The following LCN9 variants were observed in gnomAD, a reference collection of about 807,000 sequenced individuals.
The protein encoded by LCN9 is epididymal-specific lipocalin-9.
A neutral mutation model predicts 18.5 loss-of-function variants in LCN9; 22 were observed. The ratio of observed to expected loss-of-function variants is 1.19; its 90% CI spans 0.85 to 1.70. LCN9 has a LOEUF of 1.70. Ranked by LOEUF, LCN9 falls within the 40% of genes most tolerant of loss-of-function variation. The probability of loss-of-function intolerance (pLI) is 0.00; values close to 1 mark genes in which losing one functional copy is unlikely to be tolerated. For missense variants in LCN9, 202 were observed against 201.3 expected (o/e 1.00, Z -0.02); for synonymous variants, 89 against 83.0 (o/e 1.07, Z -0.39).
At position 135,664,613 on chromosome 9, in the gene LCN9, C is replaced by A; in HGVS notation, c.234-109C>A. 9.9e-7 allele frequency: 1 copy of A among 1,013,790 alleles called. No individual in the cohort carries two copies. The highest frequency in any genetic ancestry group is 1.4e-6 in the Non-Finnish European group (1 of 700,574). 62.8% of individuals were successfully genotyped at this position (1,013,790 alleles called of 1,614,324 possible). A position where few individuals can be genotyped will look rare whatever the true frequency, so the allele number is the denominator to read the frequency against. ...AAGAACTTGGGGCTGTGGAATGAGG[C>A]CTGGGCATTGGGAGGGTGAGCCTGT... On this transcript the variant is annotated intron_variant, in intron 2 of 5. Transcript: ENST00000619315. This position sits in a 1 kb window ranked among gnomAD's most constrained non-coding sequence, Gnocchi z 4.5.
rs372244649 is a variant in LCN9, at chr9:135,665,701, T to G, written c.432T>G (p.Pro144=). The G allele has an allele frequency of 6.3e-5, 101 of 1,613,092 alleles. No homozygotes were observed. In the African/African-American group the frequency reaches 1.1e-3, roughly 18 times the overall value. Residue 144 remains proline (P), a synonymous_variant, in exon 5 of 6, where the codon CCT becomes CCG. Transcript: ENST00000619315. The surrounding 1 kb of genome is among the most constrained non-coding windows in gnomAD (Gnocchi z 5.9). ...CTTCCTGAGCAGATTTGAAGAAACC[T>G]GCGAAAAGTACGGACTTGGCTCACA...
At chr9:135,666,089 C>G (rs751250967) in exon 6 of LCN9, 3 of 1,599,338 alleles carry the variant, frequency 1.9e-6, no homozygotes, top group Non-Finnish European at 2.5e-6. Context: ...GTGATGGGGC[C>G]TTCCAGGGTG....
At chr9:135,666,810 C>T (rs867619815) in exon 6 of LCN9, among the ~76,000 whole-genome samples, 2 of 150,948 alleles carry the variant, frequency 1.3e-5, no homozygotes, top group African/African-American at 2.4e-5. Context: ...CCTTCCCCTC[C>T]CTGTCCCTCC....
intron 1 of LCN9, 38 bp downstream of exon 1, chr9:135,663,455 C>A (rs1588214838): frequency 6.4e-7 from 1 of 1,573,308 alleles, no homozygotes; most frequent in African/African-American, 1.3e-5. Context: ...AGGGGCCAGG[C>A]TTCAAGGCAC....
rs1819545526 is a variant in LCN9 at position 135,664,015 on chromosome 9, G to A, written c.97-147G>A. ...GTAAAGGGGGGATCTGGTGACGAGG[G>A]GAGACCTGGGGGCACTGGAAGGGCG... On this transcript the variant is annotated intron_variant, in intron 1 of 5. Transcript: ENST00000619315. This position sits in a 1 kb window ranked among gnomAD's most constrained non-coding sequence, Gnocchi z 4.5. The A allele has an allele frequency of 2.6e-6, 2 of 780,458 alleles. No individual in the cohort carries two copies. The highest frequency in any genetic ancestry group is 4.0e-6 in the Non-Finnish European group (2 of 500,206). The allele number at this position is 780,458 out of a possible 1,614,324, so 48.3% of individuals were successfully genotyped here.
chr9:135,664,870 T>C lies in LCN9; in HGVS notation c.307+75T>C. On this transcript the variant is annotated intron_variant, in intron 3 of 5. Transcript: ENST00000619315. The surrounding 1 kb of genome is among the most constrained non-coding windows in gnomAD (Gnocchi z 4.5). ...CTCCAGGGCCTGGGCCATATTCTGG[T>C]GAGCACTGACTCTGGGGATTTTAGT... 2.1e-6 allele frequency: 3 copies of C among 1,434,060 alleles called. No homozygotes were observed. The highest frequency in any genetic ancestry group is 5.0e-5 in the East Asian group (2 of 40,350). The allele number at this position is 1,434,060 out of a possible 1,614,324, so 88.8% of individuals were successfully genotyped here. A position where few individuals can be genotyped will look rare whatever the true frequency, so the allele number is the denominator to read the frequency against.
chr9:135,665,109 G>A lies in LCN9; in HGVS notation c.308-136G>A, dbSNP rs571398717. On this transcript the variant is annotated intron_variant, in intron 3 of 5. Transcript: ENST00000619315. This position sits in a 1 kb window ranked among gnomAD's most constrained non-coding sequence, Gnocchi z 5.9. ...CCCCCTGTGCAGGGGTCTCCGCTGG[G>A]TGAGCACCGTGGGCTCCTCCCCTCC... The A allele has an allele frequency of 1.5e-6, 1 of 686,604 alleles. No individual in the cohort carries two copies. The highest frequency in any genetic ancestry group is 1.8e-5 in the African/African-American group (1 of 57,072). 42.5% of individuals were successfully genotyped at this position (686,604 alleles called of 1,614,324 possible).
Position 135,664,441 on chromosome 9 carries a change from G to A in LCN9, c.233+143G>A. ...GCCTGAGCCTGTGCGTGTGACCCTTGGGGGCAGGGTGAGGTGGGAGCAGGG... is the reference window on the plus strand; with the variant it reads ...GCCTGAGCCTGTGCGTGTGACCCTTAGGGGCAGGGTGAGGTGGGAGCAGGG... On this transcript the variant is annotated intron_variant, in intron 2 of 5. Coordinates refer to ENST00000619315, the Ensembl canonical transcript of LCN9. The surrounding 1 kb of genome is among the most constrained non-coding windows in gnomAD (Gnocchi z 4.5). 8.8e-7 allele frequency: 1 copy of A among 1,131,070 alleles called. No individual in the cohort carries two copies. Among genetic ancestry groups the A allele is most frequent in the African/African-American group, 1.5e-5 (1 of 65,368 alleles). 70.1% of individuals were successfully genotyped at this position (1,131,070 alleles called of 1,614,324 possible).
At position 135,665,305 on chromosome 9, in the gene LCN9, ACCT is replaced by A; in HGVS notation, c.371_373del (p.Leu124del). 1 of 1,605,388 alleles carries A rather than the reference ACCT, an allele frequency of 6.2e-7. No individual in the cohort carries two copies. Among genetic ancestry groups the A allele is most frequent in the South Asian group, 1.1e-5 (1 of 89,090 alleles). On this transcript the variant is annotated inframe_deletion, in exon 4 of 6. Transcript: ENST00000619315. This position sits in a 1 kb window ranked among gnomAD's most constrained non-coding sequence, Gnocchi z 5.9. ...GACTACAGGCTGTTCATCACCTTCC[ACCT>A]CCAGAACTTCAGGAACGGGACCGAG...
Position 135,666,022 on chromosome 9 carries a change from C to T in LCN9, c.*171C>T, listed in dbSNP as rs1834217030. ...CCCATCCCTCCCCCTGGTCTGGGAA[C>T]CGAACACAAGGTGCTTTGGTGAAAG... On this transcript the variant is annotated 3_prime_UTR_variant, in exon 6 of 6. Transcript: ENST00000619315. 3.1e-6 allele frequency: 5 copies of T among 1,599,910 alleles called. No individual in the cohort carries two copies. The South Asian group carries it at 5.5e-5, about 18-fold the overall frequency.
In LCN9 at chr9:135,663,953, C is replaced by T. The variant is rs573634797; in HGVS notation, c.97-209C>T. On this transcript the variant is annotated intron_variant, in intron 1 of 5. Transcript: ENST00000619315. ...GGGGGCAGCGGGGGCCCTGGAAGGG[C>T]GGAGGGCATTCTGTGAGCAGAGGGG... is the stretch of plus-strand genomic sequence containing the variant. Among the ~76,000 whole-genome samples the T allele has an allele frequency of 1.0e-3, 105 of 100,956 alleles. 2 individuals are homozygous for T. The Admixed American group carries it at 0.012, about 12-fold the overall frequency. The allele number at this position is 100,956 out of a possible 152,430, so 66.2% of individuals were successfully genotyped here.
chr9:135,664,188 CAT>C lies in LCN9; in HGVS notation c.124_125del (p.Met42GlyfsTer4). 1 of 1,593,100 alleles carries C rather than the reference CAT, an allele frequency of 6.3e-7. No homozygotes were observed. The highest frequency in any genetic ancestry group is 8.6e-7 in the Non-Finnish European group (1 of 1,165,672). ...TTTCAGGGGTCTGGTATTCTATTTTCATGGCCTCAGATGACCTGAATCGGATT... is the reference window on the plus strand; with the variant it reads ...TTTCAGGGGTCTGGTATTCTATTTTCGGCCTCAGATGACCTGAATCGGATT... On this transcript the variant is annotated frameshift_variant, in exon 2 of 6. Transcript: ENST00000619315. LOFTEE classifies it high-confidence loss of function. The surrounding 1 kb of genome is among the most constrained non-coding windows in gnomAD (Gnocchi z 4.5).
At chr9:135,666,480 A>G (rs1450199091) in exon 6 of LCN9, 3 of 228,988 alleles carry the variant, frequency 1.3e-5, no homozygotes, top group Non-Finnish European at 2.6e-5. Context: ...TGCCCTTCAC[A>G]GGCTCCAGGC....
rs1031518745 is a variant in LCN9 at position 135,665,157 on chromosome 9, C to T, written c.308-88C>T. 5.4e-6 allele frequency: 5 copies of T among 925,674 alleles called. No homozygotes were observed. The highest frequency in any genetic ancestry group is 1.7e-6 in the Non-Finnish European group (1 of 584,972). The allele number at this position is 925,674 out of a possible 1,614,324, so 57.3% of individuals were successfully genotyped here. A position where few individuals can be genotyped will look rare whatever the true frequency, so the allele number is the denominator to read the frequency against. ...TCCCGCCTCAAAAGGCCACTTGACC[C>T]CCCATCCTCACTTGCGGCCACACAG... is the stretch of plus-strand genomic sequence containing the variant. On this transcript the variant is annotated intron_variant, in intron 3 of 5. Coordinates refer to ENST00000619315, the Ensembl canonical transcript of LCN9. This position sits in a 1 kb window ranked among gnomAD's most constrained non-coding sequence, Gnocchi z 5.9.
At chr9:135,663,805 A>C (rs113286208) in intron 1 of LCN9, among the ~76,000 whole-genome samples, 4,419 of 33,500 alleles carry the variant, frequency 0.13, 130 homozygotes, top group East Asian at 0.18. Context: ...ACAGAGGGGG[A>C]CCTGGAGGGG....
Position 135,665,211 on chromosome 9 carries a change from G to C in LCN9, c.308-34G>C. 1 of 1,420,324 alleles carries C rather than the reference G, an allele frequency of 7.0e-7. No homozygotes were observed. Among genetic ancestry groups the C allele is most frequent in the Non-Finnish European group, 9.8e-7 (1 of 1,025,194 alleles). The allele number at this position is 1,420,324 out of a possible 1,614,324, so 88.0% of individuals were successfully genotyped here. ...GTGTCACAGGACCCTGAGGGTGGCG[G>C]GGCCAGGCCACGCTGAGCCATGTCT... On this transcript the variant is annotated intron_variant, in intron 3 of 5. Transcript: ENST00000619315. This position sits in a 1 kb window ranked among gnomAD's most constrained non-coding sequence, Gnocchi z 5.9.
rs560303340 is a variant in LCN9, at chr9:135,663,365, C to T, written c.44C>T (p.Ala15Val). Residue 15 changes from alanine (A) to valine (V), a missense_variant, in exon 1 of 6, where the codon GCC (alanine) becomes GTC (valine). Coordinates refer to ENST00000619315, the Ensembl canonical transcript of LCN9. Reference sequence around the variant, plus strand: ...AGCCTGGGGCTGAGCCTCATCGCAGCCCAGGAGTTCGATCCCCACACCGTT... The same window carrying T: ...AGCCTGGGGCTGAGCCTCATCGCAGTCCAGGAGTTCGATCCCCACACCGTT... The T allele has an allele frequency of 4.3e-6, 7 of 1,613,938 alleles. No homozygotes were observed. The East Asian group carries it at 1.3e-4, about 31-fold the overall frequency.
Position 135,664,800 on chromosome 9 carries a change from G to C in LCN9, c.307+5G>C, listed in dbSNP as rs779962642. 25 of 1,576,888 alleles carry C rather than the reference G, an allele frequency of 1.6e-5. 1 individual carries two copies. In the South Asian group the frequency reaches 2.8e-4, roughly 18 times the overall value. Reference sequence around the variant, plus strand: ...ATGGGGAATACTCCATCAACTGTAAGTGGAAGCCAGGCTCCTCCTGGTCTC... The same window carrying C: ...ATGGGGAATACTCCATCAACTGTAACTGGAAGCCAGGCTCCTCCTGGTCTC... On this transcript the variant is annotated splice_donor_5th_base_variant and intron_variant, in intron 3 of 5. Transcript: ENST00000619315. The surrounding 1 kb of genome is among the most constrained non-coding windows in gnomAD (Gnocchi z 4.5).
At chr9:135,666,132 T>A (rs371172672) in exon 6 of LCN9, 5 of 1,594,674 alleles carry the variant, frequency 3.1e-6, no homozygotes, top group Non-Finnish European at 4.2e-6. Flanking sequence ...GATGGGGCCC[T>A]GTGTGAGTCT....
Sources: allele counts gnomAD v4.1 joint callset (sites outside exome capture counted in the v4.1 genomes callset), GRCh38; gene constraint gnomAD v4.1.1; non-coding constraint Gnocchi (gnomAD v3.1); transcripts MANE v1.5; gene names NCBI Gene and HGNC (gene_info 2026-07-23, HGNC 2026-07-21).